ADAMTS17: variants seen among roughly 807,000 people sequenced by gnomAD.
ADAMTS17 encodes the protein ADAM metallopeptidase with thrombospondin type 1 motif 17.
In ADAMTS17, 113 loss-of-function variants were observed where a neutral mutation model predicts 141.5. The ratio of observed to expected loss-of-function variants is 0.80; its 90% CI spans 0.69 to 0.93. The LOEUF (loss-of-function observed/expected upper bound fraction) is 0.93, where lower values mean the gene tolerates loss of function less well. Among genes scored for constraint, ADAMTS17 ranks in the 40% least tolerant of loss-of-function variants. The pLI, the probability that ADAMTS17 is intolerant of heterozygous loss-of-function variation, is 0.00. For synonymous variants in ADAMTS17, 768 were observed against 630.6 expected, an observed-to-expected ratio of 1.22 and a Z score of -3.27; for missense variants, 1,659 against 1,517.9, an observed-to-expected ratio of 1.09 and a Z score of -1.54.
At chr15:100,135,340 G>A (rs2038274195) in intron 10 of ADAMTS17, among the ~76,000 whole-genome samples, 3 of 150,650 alleles carry the variant, frequency 2.0e-5, no homozygotes, top group African/African-American at 7.3e-5. Context: ...CTGGAGTGCA[G>A]TAGCGTGATC....
At chr15:100,190,432 C>G (rs1025059488) in intron 8 of ADAMTS17, among the ~76,000 whole-genome samples, 1 of 152,240 alleles carries the variant, frequency 6.6e-6, no homozygotes, top group Admixed American at 6.5e-5. Flanking sequence ...CCAGAACGTG[C>G]CATTGAGTGG....
intron 2 of ADAMTS17, among the ~76,000 whole-genome samples, chr15:100,332,119 G>T (rs1323134123): frequency 2.0e-5 from 3 of 152,122 alleles, no homozygotes; most frequent in East Asian, 3.9e-4. Flanking sequence ...ATATTTCAAG[G>T]TTTCCATTTC....
At chr15:100,181,619 A>G (rs887090398) in intron 8 of ADAMTS17, among the ~76,000 whole-genome samples, 3 of 152,228 alleles carry the variant, frequency 2.0e-5, no homozygotes, top group Non-Finnish European at 2.9e-5. Context: ...TCTGGGAGAT[A>G]TGGCCTAGAA....
rs141735483 is a variant in ADAMTS17, at chr15:100,169,645, C to G, written c.1182-14325G>C. The stretch of plus-strand genomic sequence containing the variant: ...GGATGCAATTGCCCCCACACTCAAT[C>G]GAGAGCAAAGAACCGGCACCTGCTA... On this transcript the variant is annotated intron_variant, in intron 8 of 21. Coordinates refer to ENST00000268070, the MANE Select transcript of ADAMTS17 (RefSeq NM_139057.4). 3.8e-3 allele frequency among the ~76,000 whole-genome samples: 579 copies of G among 152,284 alleles called. 3 individuals are homozygous for G. Among genetic ancestry groups the G allele is most frequent in the African/African-American group, 0.013 (527 of 41,560 alleles).
intron 15 of ADAMTS17, among the ~76,000 whole-genome samples, chr15:100,061,507 C>G (rs1266323654): frequency 6.6e-6 from 1 of 152,206 alleles, no homozygotes; most frequent in Admixed American, 6.5e-5. Context: ...TCCTGGGTGG[C>G]ACCTGCTAGT....
At chr15:100,061,869 C>T (rs1004457816) in intron 15 of ADAMTS17, among the ~76,000 whole-genome samples, 3 of 152,192 alleles carry the variant, frequency 2.0e-5, no homozygotes, top group Admixed American at 6.5e-5. Flanking sequence ...CAGCATCCCA[C>T]GGAGGGCCTC....
chr15:100,278,072 A>T (rs2044158092), intron 4 of ADAMTS17, among the ~76,000 whole-genome samples: 1 of 152,196 alleles, frequency 6.6e-6, no homozygotes, highest in Admixed American at 6.5e-5. Flanking sequence ...GATTCCACTT[A>T]TATGAGGTAT....
chr15:100,341,705 C>G (rs1254989268), intron 1 of ADAMTS17, 116 bp downstream of exon 1: 6 of 1,338,076 alleles, frequency 4.5e-6, no homozygotes, highest in Non-Finnish European at 5.9e-6. Flanking sequence ...GCCTCCTCCG[C>G]TCGGGCGCCG....
intron 18 of ADAMTS17, among the ~76,000 whole-genome samples, chr15:100,003,174 A>G (rs2060964773): frequency 6.6e-6 from 1 of 152,054 alleles, no homozygotes; most frequent in African/African-American, 2.4e-5. Flanking sequence ...GAGGAGCACA[A>G]ATGCACTCAC....
Position 100,060,225 on chromosome 15 carries a change from A to G in ADAMTS17, c.2138-6171T>C, listed in dbSNP as rs1596321502. ...GAAGTCTTAAATCACTACCCAAAAC[A>G]TAACTATGCTCACTTTTGTGGGTTT... On this transcript the variant is annotated intron_variant, in intron 15 of 21. Coordinates refer to ENST00000268070, the MANE Select transcript of ADAMTS17 (RefSeq NM_139057.4). 2.0e-5 allele frequency among the ~76,000 whole-genome samples: 3 copies of G among 152,222 alleles called. No individual in the cohort carries two copies. In the East Asian group the frequency reaches 5.8e-4, roughly 29 times the overall value.
chr15:100,217,448 A>C (rs939528428), intron 7 of ADAMTS17, among the ~76,000 whole-genome samples: 6 of 152,012 alleles, frequency 3.9e-5, no homozygotes, highest in Admixed American at 2.0e-4. Context: ...AAATACAAAA[A>C]ATTAGGTGGG....
intron 14 of ADAMTS17, among the ~76,000 whole-genome samples, chr15:100,107,920 G>A (rs1218411793): frequency 6.6e-6 from 1 of 152,136 alleles, no homozygotes; most frequent in Non-Finnish European, 1.5e-5. Context: ...CTTGACCCGA[G>A]TCACCAGGGA....
At chr15:100,252,997 G>A (rs902464496) in intron 7 of ADAMTS17, among the ~76,000 whole-genome samples, 5 of 152,090 alleles carry the variant, frequency 3.3e-5, no homozygotes, top group Non-Finnish European at 5.9e-5. Context: ...CAGAACAAAG[G>A]CTTAGGGCTA....
At chr15:100,273,456 T>C (rs12441146) in intron 4 of ADAMTS17, among the ~76,000 whole-genome samples, 11,050 of 152,218 alleles carry the variant, frequency 0.073, 632 homozygotes, top group East Asian at 0.23. Flanking sequence ...ATTTGTCCAC[T>C]TCATCTAGGT....
intron 21 of ADAMTS17, among the ~76,000 whole-genome samples, chr15:99,975,622 C>T (rs1260974001): frequency 6.6e-6 from 1 of 152,170 alleles, no homozygotes; most frequent in African/African-American, 2.4e-5. Flanking sequence ...GTCTGCAGCC[C>T]CTCCAACCAC....
intron 8 of ADAMTS17, among the ~76,000 whole-genome samples, chr15:100,177,007 C>T (rs1045752483): frequency 4.6e-5 from 7 of 152,180 alleles, no homozygotes; most frequent in African/African-American, 1.4e-4. Context: ...ATTAACTGCT[C>T]ACCCATTGGA....
At chr15:100,224,160 G>C (rs937459593) in intron 7 of ADAMTS17, among the ~76,000 whole-genome samples, 5 of 152,134 alleles carry the variant, frequency 3.3e-5, no homozygotes, top group Non-Finnish European at 7.3e-5. Context: ...ACACACCCAG[G>C]ATTAATATTC....
In ADAMTS17 at chr15:100,261,483, T is replaced by C. The variant is rs1251378877; in HGVS notation, c.1027A>G (p.Thr343Ala). The C allele has an allele frequency of 5.0e-6, 8 of 1,614,028 alleles. No homozygotes were observed. The highest frequency in any genetic ancestry group is 6.8e-6 in the Non-Finnish European group (8 of 1,180,020). Reference sequence around the variant, plus strand: ...ACAGGCCAAATCCCATCTTACCTGGTCACAAACACGGCAGCATCCACCAGG... The same window carrying C: ...ACAGGCCAAATCCCATCTTACCTGGCCACAAACACGGCAGCATCCACCAGG... ...PPLVDAAVFV[T>A]RTDFCVHKDE... Residue 343 changes from threonine (T) to alanine (A), a missense_variant, in exon 6 of 22, where the codon ACC (threonine) becomes GCC (alanine). Transcript: ENST00000268070.
At chr15:100,095,023 A>T (rs924641771) in intron 15 of ADAMTS17, among the ~76,000 whole-genome samples, 3 of 152,196 alleles carry the variant, frequency 2.0e-5, no homozygotes, top group African/African-American at 7.2e-5. Flanking sequence ...TTTCCCAGTG[A>T]GATGGAAAGA....
Sources: allele counts gnomAD v4.1 joint callset (sites outside exome capture counted in the v4.1 genomes callset), GRCh38; gene constraint gnomAD v4.1.1; transcripts MANE v1.5; gene names NCBI Gene and HGNC (gene_info 2026-07-23, HGNC 2026-07-21).